The following CD8B2 variants were observed in gnomAD, a reference collection of about 807,000 sequenced individuals.
CD8B2 encodes T-cell surface glycoprotein CD8 beta-2 chain.
In CD8B2, 11 loss-of-function variants were observed where a neutral mutation model predicts 23.7. That is an observed-to-expected ratio of 0.46 (90% CI 0.29 to 0.77). The LOEUF (loss-of-function observed/expected upper bound fraction) is 0.77, where lower values mean the gene tolerates loss of function less well. Ranked by LOEUF, CD8B2 falls within the 30% of genes least tolerant of loss-of-function variation. The probability of loss-of-function intolerance (pLI) is 0.09; values close to 1 mark genes in which losing one functional copy is unlikely to be tolerated. For synonymous variants in CD8B2, 90 were observed against 109.3 expected (o/e 0.82, Z 1.10); for missense variants, 197 against 270.5 (o/e 0.73, Z 1.91).
chr2:106,532,028 A>G (rs893478575), intron 5 of CD8B2, among the ~76,000 whole-genome samples: 1 of 152,202 alleles, frequency 6.6e-6, no homozygotes, highest in African/African-American at 2.4e-5. Context: ...AGCTGTGCAT[A>G]TTGCACACCC....
Position 106,502,524 on chromosome 2 carries a change from G to C in CD8B2, c.544G>C (p.Val182Leu). ...TLGLLVAGVLVLLVSLGVAMH... is the reference protein window; with the variant it reads ...TLGLLVAGVLLLLVSLGVAMH... ...TGGCCTGCTGGTGGCTGGCGTCCTG[G>C]TTCTGCTGGTTTCCCTGGGAGTGGC... The change falls in exon 4 of 6, where the codon GTT (valine) becomes CTT (leucine). Residue 182 changes from valine (V) to leucine (L), a missense_variant. Physicochemically the swap from Val to Leu is conservative, Grantham distance 32. Coordinates refer to ENST00000643224, the MANE Select transcript of CD8B2 (RefSeq NM_001349727.2). 8.2e-6 allele frequency: 13 copies of C among 1,584,060 alleles called. No individual in the cohort carries two copies. The highest frequency in any genetic ancestry group is 1.1e-5 in the Non-Finnish European group (13 of 1,164,396).
chr2:106,512,735 A>G (rs966028305), downstream of CD8B2, among the ~76,000 whole-genome samples: 4 of 152,182 alleles, frequency 2.6e-5, no homozygotes, highest in African/African-American at 9.6e-5. Flanking sequence ...ATGAGCCACC[A>G]TGCCCAATCC....
chr2:106,488,786 A>T (rs969762450), intron 1 of CD8B2, among the ~76,000 whole-genome samples: 2 of 150,484 alleles, frequency 1.3e-5, no homozygotes, highest in African/African-American at 4.8e-5. Flanking sequence ...GGTGAGGATC[A>T]AATGAGACAA....
chr2:106,543,572 A>C (rs1368092708), intron 5 of CD8B2, among the ~76,000 whole-genome samples: 2 of 151,596 alleles, frequency 1.3e-5, no homozygotes, highest in East Asian at 3.9e-4. Context: ...ATATAAAAGT[A>C]AAAAGAAACA....
At position 106,510,633 on chromosome 2, in the gene CD8B2, G is replaced by A. The variant is rs899091421; in HGVS notation, c.*3693G>A. ...TGGAGTCCCAGCTATTAGGGAGGAT[G>A]AGGTGGGAGGATCTCCTGAGCCCAG... On this transcript the variant is annotated 3_prime_UTR_variant, in exon 6 of 6. Coordinates refer to ENST00000643224, the MANE Select transcript of CD8B2 (RefSeq NM_001349727.2). The A allele has an allele frequency of 2.0e-5, 3 of 152,144 alleles. No homozygotes were observed. The highest frequency in any genetic ancestry group is 7.2e-5 in the African/African-American group (3 of 41,416). 9.4% of individuals were successfully genotyped at this position (152,144 alleles called of 1,614,324 possible). A position where few individuals can be genotyped will look rare whatever the true frequency, so the allele number is the denominator to read the frequency against.
intron 5 of CD8B2, among the ~76,000 whole-genome samples, chr2:106,519,676 G>A (rs575301576): frequency 6.6e-6 from 1 of 152,332 alleles, no homozygotes; most frequent in East Asian, 1.9e-4. Flanking sequence ...CCACCTTCGT[G>A]TAACACAGGG....
At chr2:106,527,806 A>AAACAAAC (rs1558885498) in intron 5 of CD8B2, among the ~76,000 whole-genome samples, 1 of 151,086 alleles carries the variant, frequency 6.6e-6, no homozygotes, top group Non-Finnish European at 1.5e-5. Flanking sequence ...AACAAAACAA[A>AAACAAAC]AAACAAACAA....
chr2:106,497,000 C>G (rs151118508), intron 3 of CD8B2, among the ~76,000 whole-genome samples: 1 of 152,232 alleles, frequency 6.6e-6, no homozygotes, highest in Non-Finnish European at 1.5e-5. Flanking sequence ...TTTGGCCAGA[C>G]GTGGTGGCTC....
intron 5 of CD8B2, among the ~76,000 whole-genome samples, chr2:106,517,505 C>A (rs572622635): frequency 1.3e-5 from 2 of 152,022 alleles, no homozygotes; most frequent in Admixed American, 6.5e-5. Flanking sequence ...GGTCACCAGA[C>A]GGGAAATTAA....
At chr2:106,505,876 A>C (rs1471235846) in intron 5 of CD8B2, among the ~76,000 whole-genome samples, 1 of 152,198 alleles carries the variant, frequency 6.6e-6, no homozygotes, top group Non-Finnish European at 1.5e-5. Flanking sequence ...CAAGCCTGTA[A>C]TCCCAGCACT....
chr2:106,543,950 G>T (rs1680213804), intron 5 of CD8B2: 1 of 398,416 alleles, frequency 2.5e-6, no homozygotes, highest in South Asian at 1.3e-4. Flanking sequence ...CATCTGATTC[G>T]ATTGTTCTTC....
chr2:106,497,758 A>G (rs1679326977), intron 3 of CD8B2, among the ~76,000 whole-genome samples: 2 of 152,236 alleles, frequency 1.3e-5, no homozygotes, highest in African/African-American at 2.4e-5. Context: ...GGAGCTTAAG[A>G]GTAACCTTAT....
downstream of CD8B2, among the ~76,000 whole-genome samples, chr2:106,514,478 G>A (rs1193708200): frequency 3.3e-5 from 5 of 151,406 alleles, no homozygotes; most frequent in Non-Finnish European, 5.9e-5. Context: ...TAGTAGAGAC[G>A]GGGTTTCACC....
chr2:106,491,142 A>G lies in CD8B2; in HGVS notation c.312A>G (p.Thr104=). The G allele has an allele frequency of 6.2e-7, 1 of 1,613,822 alleles. No individual in the cohort carries two copies. The highest frequency in any genetic ancestry group is 8.5e-7 in the Non-Finnish European group (1 of 1,179,736). Residue 104 remains threonine (T), a synonymous_variant, in exon 2 of 6, where the codon ACA becomes ACG. Transcript: ENST00000643224. The stretch of plus-strand genomic sequence containing the variant: ...CAAGCCGGTTCATTCTCAATCTCAC[A>G]AGCGTGAAGCCGGAGGACAGTGGCA... The part of the protein sequence containing the change: ...RDASRFILNL[T]SVKPEDSGIY...
chr2:106,512,708 G>A (rs184004435), downstream of CD8B2, among the ~76,000 whole-genome samples: 937 of 152,290 alleles, frequency 6.2e-3, 8 homozygotes, highest in African/African-American at 0.021. Flanking sequence ...GCCTCCCAAA[G>A]TGTTGGGATT....
At chr2:106,500,521 A>AAAATAAATAAATAAATAAAT (rs61641919) in intron 3 of CD8B2, among the ~76,000 whole-genome samples, 3 of 143,358 alleles carry the variant, frequency 2.1e-5, no homozygotes, top group Non-Finnish European at 4.6e-5. Flanking sequence ...CTCCGTCTCA[A>AAAATAAATAAATAAATAAAT]AAATAAATAA....
chr2:106,514,393 T>C (rs1679693166), downstream of CD8B2, among the ~76,000 whole-genome samples: 2 of 151,598 alleles, frequency 1.3e-5, no homozygotes, highest in South Asian at 4.2e-4. Context: ...GTTCAAGCGA[T>C]TCTCCTGCCT....
rs574772524 is a variant in CD8B2, at chr2:106,507,266, G to A, written c.*326G>A. 7.8e-4 allele frequency: 885 copies of A among 1,134,976 alleles called. 7 individuals carry two copies. In the African/African-American group the frequency reaches 0.011, roughly 14 times the overall value. The allele number at this position is 1,134,976 out of a possible 1,614,324, so 70.3% of individuals were successfully genotyped here. A position where few individuals can be genotyped will look rare whatever the true frequency, so the allele number is the denominator to read the frequency against. On this transcript the variant is annotated 3_prime_UTR_variant, in exon 6 of 6. Transcript: ENST00000643224. ...TGAGCTGGGACCTTTAGTGGTGGCC[G>A]TTTAGCCACCATCTTTGCAAGTTGC...
chr2:106,513,283 C>T (rs1373966456), downstream of CD8B2, among the ~76,000 whole-genome samples: 1 of 151,936 alleles, frequency 6.6e-6, no homozygotes, highest in Non-Finnish European at 1.5e-5. Flanking sequence ...GAAGATGTCC[C>T]TAACCCCACG....
Sources: gnomAD v4.1 joint callset for allele counts (sites outside exome capture counted in the v4.1 genomes callset) on GRCh38, gnomAD v4.1.1 for gene constraint, MANE v1.5 for transcripts, NCBI Gene and HGNC (gene_info 2026-07-23, HGNC 2026-07-21) for gene names.